Variants in MDN1 observed in about 807,000 individuals in gnomAD.
MDN1 encodes midasin.
A neutral mutation model predicts 669.2 loss-of-function variants in MDN1; 266 were observed. The observed-to-expected ratio is 0.40, with a 90% CI of 0.36 to 0.44. MDN1 has a LOEUF of 0.44. Among genes scored for constraint, MDN1 ranks in the 20% least tolerant of loss-of-function variants. The pLI, the probability that MDN1 is intolerant of heterozygous loss-of-function variation, is 1.00. For missense variants in MDN1, 5,940 were observed against 6,754.0 expected (o/e 0.88, Z 4.22); for synonymous variants, 2,385 against 2,457.1 (o/e 0.97, Z 0.87).
intron 33 of MDN1, among the ~76,000 whole-genome samples, chr6:89,734,344 C>T (rs557301311): frequency 7.3e-5 from 11 of 151,604 alleles, no homozygotes; most frequent in Non-Finnish European, 1.3e-4. Flanking sequence ...TAACAAAAGA[C>T]AAGGAAATTT....
intron 97 of MDN1, among the ~76,000 whole-genome samples, 164 bp from the exon 98 acceptor site, chr6:89,648,493 T>C (rs1237667812): frequency 1.3e-5 from 2 of 152,176 alleles, no homozygotes; most frequent in Admixed American, 6.5e-5. Context: ...CCCAAAGGCT[T>C]TGGTGGCCTG....
At chr6:89,742,901 T>C (rs539311369) in intron 31 of MDN1, among the ~76,000 whole-genome samples, 1 of 152,202 alleles carries the variant, frequency 6.6e-6, no homozygotes, top group Non-Finnish European at 1.5e-5. Flanking sequence ...CCAAAAGACA[T>C]GGTAATACAT....
chr6:89,780,195 G>C lies in MDN1; in HGVS notation c.1725+17C>G, dbSNP rs769827030. 1.4e-6 allele frequency: 2 copies of C among 1,452,228 alleles called. No individual in the cohort carries two copies. Among genetic ancestry groups the C allele is most frequent in the East Asian group, 4.9e-5 (2 of 40,964 alleles). The allele number at this position is 1,452,228 out of a possible 1,614,324, so 90.0% of individuals were successfully genotyped here. A position where few individuals can be genotyped will look rare whatever the true frequency, so the allele number is the denominator to read the frequency against. On this transcript the variant is annotated intron_variant, in intron 11 of 101. Coordinates refer to ENST00000369393, the MANE Select transcript of MDN1 (RefSeq NM_014611.3). Reference sequence around the variant, plus strand: ...TTACAGAACCAAGACAAAAAAGACTGGAAAACTATATCTTACCTCTTGAAA... The same window carrying C: ...TTACAGAACCAAGACAAAAAAGACTCGAAAACTATATCTTACCTCTTGAAA...
At chr6:89,693,885 A>G (rs147652428) in intron 62 of MDN1, among the ~76,000 whole-genome samples, 189 bp downstream of exon 62, 1 of 152,270 alleles carries the variant, frequency 6.6e-6, no homozygotes, top group Admixed American at 6.5e-5. Context: ...GTGAACACAC[A>G]CCTTGAATAG....
At chr6:89,734,194 A>G (rs1815779777) in intron 33 of MDN1, among the ~76,000 whole-genome samples, 1 of 152,050 alleles carries the variant, frequency 6.6e-6, no homozygotes, top group Non-Finnish European at 1.5e-5. Context: ...CTGAGGCACG[A>G]GAATTGCTTG....
intron 26 of MDN1, among the ~76,000 whole-genome samples, chr6:89,747,890 CAAAAAAAAAAAA>C (rs55885838): frequency 1.2e-5 from 1 of 84,048 alleles, no homozygotes; most frequent in East Asian, 3.3e-4. Context: ...GACTCCGTCT[CAAAAAAAAAAAA>C]AAAAAAAAAA....
At position 89,643,504 on chromosome 6, in the gene MDN1, C is replaced by CTCATA. The variant is rs2128296790; in HGVS notation, c.*496_*500dup. On this transcript the variant is annotated 3_prime_UTR_variant, in exon 102 of 102. Coordinates refer to ENST00000369393, the MANE Select transcript of MDN1 (RefSeq NM_014611.3). ...TCCTTTCACAATAAGAAAACACACC[C>CTCATA]TCATACTCTCCAGAAACGAGCTGTC... 1 of 153,118 alleles carries CTCATA rather than the reference C, an allele frequency of 6.5e-6. No homozygotes were observed. Among genetic ancestry groups the CTCATA allele is most frequent in the African/African-American group, 2.4e-5 (1 of 41,562 alleles). 9.5% of individuals were successfully genotyped at this position (153,118 alleles called of 1,614,324 possible). A position where few individuals can be genotyped will look rare whatever the true frequency, so the allele number is the denominator to read the frequency against.
At chr6:89,747,499 G>C (rs1187375277) in intron 26 of MDN1, 29 bp from the exon 27 acceptor site, 1 of 1,601,332 alleles carries the variant, frequency 6.2e-7, no homozygotes, top group Non-Finnish European at 8.5e-7. Flanking sequence ...AAATGAAAAG[G>C]GGCATCAGCT....
intron 65 of MDN1, 69 bp downstream of exon 65, chr6:89,689,801 G>C (rs1438648845): frequency 1.3e-6 from 2 of 1,506,460 alleles, no homozygotes; most frequent in Non-Finnish European, 1.8e-6. Context: ...GATTGTTACA[G>C]AGTAGCAACA....
At chr6:89,697,908 CA>C (rs1812877619) in intron 59 of MDN1, among the ~76,000 whole-genome samples, 1 of 151,906 alleles carries the variant, frequency 6.6e-6, no homozygotes, top group South Asian at 2.1e-4. Flanking sequence ...AAAAAAAGCA[CA>C]ACTATGACTC....
At chr6:89,779,841 G>C (rs1443567702) in intron 11 of MDN1, among the ~76,000 whole-genome samples, 3 of 152,152 alleles carry the variant, frequency 2.0e-5, no homozygotes, top group Non-Finnish European at 4.4e-5. Context: ...CGACGTGGGT[G>C]GATCACTTGA....
Position 89,756,416 on chromosome 6 carries a change from T to G in MDN1, c.2703-26A>C, listed in dbSNP as rs540209038. ...CTGTAAAACAATACATAATAAACAC[T>G]TTTTAGGAAGTTAATATAACTATGT... On this transcript the variant is annotated intron_variant, in intron 19 of 101. Coordinates refer to ENST00000369393, the MANE Select transcript of MDN1 (RefSeq NM_014611.3). 9 of 1,143,792 alleles carry G rather than the reference T, an allele frequency of 7.9e-6. No homozygotes were observed. The African/African-American group carries it at 1.4e-4, about 18-fold the overall frequency. 70.9% of individuals were successfully genotyped at this position (1,143,792 alleles called of 1,614,324 possible).
Position 89,730,880 on chromosome 6 carries a change from T to C in MDN1, c.4986A>G (p.Lys1662=). ...TCTTGATTAGAAATTTCAGACATTCTTTTCGTGCCAAAAGGGCTGTACCAA... is the reference window on the plus strand; with the variant it reads ...TCTTGATTAGAAATTTCAGACATTCCTTTCGTGCCAAAAGGGCTGTACCAA... ...SGFGTALLAR[K]ECLKFLIKRL... Residue 1662 remains lysine, a synonymous_variant, in exon 35 of 102, where the codon AAA becomes AAG. Transcript: ENST00000369393. 1.2e-6 allele frequency: 2 copies of C among 1,614,076 alleles called. No homozygotes were observed. The highest frequency in any genetic ancestry group is 1.7e-6 in the Non-Finnish European group (2 of 1,179,984).
At chr6:89,760,740 G>A (rs1016606243) in intron 17 of MDN1, among the ~76,000 whole-genome samples, 5 of 152,156 alleles carry the variant, frequency 3.3e-5, no homozygotes, top group African/African-American at 1.2e-4. Flanking sequence ...AACAAGCCAG[G>A]CACAGAAAGA....
intron 26 of MDN1, among the ~76,000 whole-genome samples, 177 bp from the exon 27 acceptor site, chr6:89,747,647 T>C (rs1213820731): frequency 6.6e-6 from 1 of 151,860 alleles, no homozygotes; most frequent in Non-Finnish European, 1.5e-5. Flanking sequence ...ATCCCAGCAC[T>C]TTGGAAGGCC....
Position 89,730,731 on chromosome 6 carries a change from G to T in MDN1, c.5135C>A (p.Pro1712Gln). The T allele has an allele frequency of 6.2e-7, 1 of 1,611,330 alleles. No individual in the cohort carries two copies. The highest frequency in any genetic ancestry group is 8.5e-7 in the Non-Finnish European group (1 of 1,178,766). Residue 1712 changes from proline (P) to glutamine (Q), a missense_variant, in exon 35 of 102, where the codon CCA becomes CAA. Pro to Gln is a moderately conservative substitution (Grantham distance 76). Coordinates refer to ENST00000369393, the MANE Select transcript of MDN1 (RefSeq NM_014611.3). ...TTTTTAAAAATCATTCTTACCCCTT[G>T]GTATAAAAAATGGATGAATTCCCCA... is the stretch of plus-strand genomic sequence containing the variant. ...NLWGIHPFFI[P>Q]RGPVLHRNNI...
chr6:89,731,032 C>T, intron 34 of MDN1, 109 bp from the exon 35 acceptor site: 1 of 871,394 alleles, frequency 1.1e-6, no homozygotes, highest in Non-Finnish European at 1.8e-6. Flanking sequence ...CTCAGCAAAA[C>T]TGCAGCCTAA....
chr6:89,729,682 T>TG (rs1331441351), intron 35 of MDN1, among the ~76,000 whole-genome samples: 2 of 147,580 alleles, frequency 1.4e-5, no homozygotes, highest in Non-Finnish European at 3.0e-5. Flanking sequence ...TTTTCGTTTT[T>TG]TTTTTTTTTT....
intron 1 of MDN1, among the ~76,000 whole-genome samples, chr6:89,806,339 G>A (rs1370480602): frequency 2.0e-5 from 3 of 152,150 alleles, no homozygotes; most frequent in African/African-American, 7.2e-5. Flanking sequence ...AAGGTGAGAT[G>A]ATCACTTGAG....
Sources: allele counts gnomAD v4.1 joint callset (sites outside exome capture counted in the v4.1 genomes callset), GRCh38; gene constraint gnomAD v4.1.1; transcripts MANE v1.5; gene names NCBI Gene and HGNC (gene_info 2026-07-23, HGNC 2026-07-21).